The following PCDH15 variants were observed in gnomAD, a reference collection of about 807,000 sequenced individuals.
PCDH15 encodes protocadherin related 15, also known as protocadherin-15.
PCDH15 carries 129 observed loss-of-function variants against 178.5 expected under a neutral mutation model. The observed-to-expected ratio is 0.72, with a 90% CI of 0.63 to 0.84. PCDH15 has a LOEUF of 0.84. PCDH15 is among the 40% of genes least tolerant of loss of function. The pLI is 0.00. For missense variants in PCDH15, 2,230 were observed against 2,099.9 expected (o/e 1.06, Z -1.21); for synonymous variants, 800 against 732.0 (o/e 1.09, Z -1.50).
chr10:54,369,424 A>T, intron 4 of PCDH15, 149 bp from the exon 5 acceptor site: 1 of 770,760 alleles, frequency 1.3e-6, no homozygotes, highest in Non-Finnish European at 2.1e-6. Context: ...TTTTAAGGAC[A>T]AGAGAAGACA....
intron 2 of PCDH15, among the ~76,000 whole-genome samples, chr10:55,116,194 C>T (rs955477667): frequency 7.2e-5 from 11 of 152,008 alleles, no homozygotes; most frequent in African/African-American, 1.4e-4. Flanking sequence ...GTGAATAAGA[C>T]GTGCAGGTAA....
rs557424343 is a variant in PCDH15 at position 55,257,606 on chromosome 10, T to G, written c.-156+61993A>C. ...AGCCTCAGTAGCTGATTCAATCAAC[T>G]GGAAGAAAAGGTATCAGTGATGGAA... On this transcript the variant is annotated intron_variant, in intron 1 of 5. Transcript: ENST00000458638. Among the ~76,000 whole-genome samples, 5 of 152,086 alleles carry G rather than the reference T, an allele frequency of 3.3e-5. No individual in the cohort carries two copies. The East Asian group carries it at 9.7e-4, about 29-fold the overall frequency.
intron 2 of PCDH15, among the ~76,000 whole-genome samples, chr10:55,413,884 T>C (rs1030517421): frequency 3.3e-5 from 5 of 151,046 alleles, no homozygotes; most frequent in Non-Finnish European, 1.5e-5. Context: ...CTATCCCACT[T>C]TGAAGTTAGC....
intron 3 of PCDH15, among the ~76,000 whole-genome samples, chr10:54,866,995 C>T (rs1953954544): frequency 6.6e-6 from 1 of 152,076 alleles, no homozygotes; most frequent in African/African-American, 2.4e-5. Flanking sequence ...AAAATAAACA[C>T]TTATTTAAGT....
chr10:55,230,806 A>G (rs938858955), intron 1 of PCDH15, among the ~76,000 whole-genome samples: 3 of 152,058 alleles, frequency 2.0e-5, no homozygotes, highest in African/African-American at 7.2e-5. Context: ...TATGGAAACC[A>G]GAAAAAGTGA....
At chr10:55,424,009 C>T (rs1232626697) in intron 2 of PCDH15, among the ~76,000 whole-genome samples, 1 of 152,036 alleles carries the variant, frequency 6.6e-6, no homozygotes, top group Admixed American at 6.6e-5. Flanking sequence ...GAGGAAGACA[C>T]ACACAAGCAG....
At chr10:54,501,489 C>T (rs2080684691) in intron 3 of PCDH15, among the ~76,000 whole-genome samples, 1 of 152,098 alleles carries the variant, frequency 6.6e-6, no homozygotes, top group Admixed American at 6.6e-5. Flanking sequence ...TTGATTTCCA[C>T]AGTGTTAAAC....
chr10:55,495,482 T>C (rs370447741), intron 2 of PCDH15, among the ~76,000 whole-genome samples: 4 of 151,560 alleles, frequency 2.6e-5, no homozygotes, highest in East Asian at 2.0e-4. Flanking sequence ...AAAGACCATA[T>C]ACAATGGCCA....
At chr10:53,824,010 A>T (rs952322676) in intron 32 of PCDH15, among the ~76,000 whole-genome samples, 1 of 152,114 alleles carries the variant, frequency 6.6e-6, no homozygotes, top group African/African-American at 2.4e-5. Context: ...AAAACCTTAT[A>T]CATAATACCA....
At chr10:55,567,607 C>T (rs888046679) in intron 2 of PCDH15, among the ~76,000 whole-genome samples, 1 of 151,578 alleles carries the variant, frequency 6.6e-6, no homozygotes, top group Non-Finnish European at 1.5e-5. Flanking sequence ...AAACAAGCAA[C>T]CTGATTCAAA....
In PCDH15 at chr10:54,182,506, AGTGT is replaced by A. The variant is rs71007813; in HGVS notation, c.1590+934_1590+937del. ...ATGAGAGAGGAAAAGAGAGAAAAAAAGTGTGTGTGTGTGTGTGTGTGTGTGTGTG... is the reference window on the plus strand; with the variant it reads ...ATGAGAGAGGAAAAGAGAGAAAAAAAGTGTGTGTGTGTGTGTGTGTGTGTG... On this transcript the variant is annotated intron_variant, in intron 13 of 37. Transcript: ENST00000644397. 8.6e-3 allele frequency among the ~76,000 whole-genome samples: 1,274 copies of A among 147,996 alleles called. 8 individuals carry two copies. Among genetic ancestry groups the A allele is most frequent in the South Asian group, 0.012 (53 of 4,570 alleles).
In PCDH15 at chr10:54,195,423, G is replaced by A. The variant is rs541149733; in HGVS notation, c.1305+260C>T. Among the ~76,000 whole-genome samples the A allele has an allele frequency of 2.2e-4, 33 of 151,910 alleles. 1 individual carries two copies. The South Asian group carries it at 5.8e-3, about 27-fold the overall frequency. On this transcript the variant is annotated intron_variant, in intron 11 of 37. Coordinates refer to ENST00000644397, the MANE Select transcript of PCDH15 (RefSeq NM_001384140.1). Reference sequence around the variant, plus strand: ...ATATGTTAATAAAAATATTGCCCTCGTCATTAAATAAACATCAAGTAAAAC... The same window carrying A: ...ATATGTTAATAAAAATATTGCCCTCATCATTAAATAAACATCAAGTAAAAC...
intron 8 of PCDH15, among the ~76,000 whole-genome samples, chr10:54,261,235 A>G (rs1180366823): frequency 6.6e-6 from 1 of 152,172 alleles, no homozygotes; most frequent in African/African-American, 2.4e-5. Flanking sequence ...AATAGCTATT[A>G]AAAATATACA....
intron 17 of PCDH15, among the ~76,000 whole-genome samples, chr10:54,071,128 C>T (rs1330265321): frequency 6.6e-6 from 1 of 152,090 alleles, no homozygotes; most frequent in Non-Finnish European, 1.5e-5. Context: ...CTCATACATG[C>T]AATTTATTAG....
chr10:55,623,225 C>A (rs567419017), intron 2 of PCDH15, among the ~76,000 whole-genome samples: 67 of 152,276 alleles, frequency 4.4e-4, no homozygotes, highest in Admixed American at 1.6e-3. Context: ...CTCCCAGACA[C>A]AGGATATCAA....
At chr10:54,917,483 CA>C (rs1254282675) in intron 2 of PCDH15, among the ~76,000 whole-genome samples, 1 of 152,186 alleles carries the variant, frequency 6.6e-6, no homozygotes, top group Admixed American at 6.5e-5. Context: ...TATTCAAATA[CA>C]GTACATCATA....
chr10:55,240,678 G>A (rs1302708643), intron 1 of PCDH15, among the ~76,000 whole-genome samples: 2 of 152,110 alleles, frequency 1.3e-5, no homozygotes, highest in Non-Finnish European at 2.9e-5. Flanking sequence ...GTTTCTTACT[G>A]ATGTTTTTAT....
chr10:55,311,073 G>A (rs867482715), intron 1 of PCDH15, among the ~76,000 whole-genome samples: 1 of 152,210 alleles, frequency 6.6e-6, no homozygotes, highest in South Asian at 2.1e-4. Flanking sequence ...ATATAACATT[G>A]CAAAAGTATT....
At chr10:54,162,265 T>C (rs1462739942) in intron 13 of PCDH15, among the ~76,000 whole-genome samples, 1 of 152,204 alleles carries the variant, frequency 6.6e-6, no homozygotes, top group Non-Finnish European at 1.5e-5. Context: ...AACCACTGTA[T>C]GTTCCTCTGC....
Sources: gnomAD v4.1 joint callset for allele counts (sites outside exome capture counted in the v4.1 genomes callset) on GRCh38, gnomAD v4.1.1 for gene constraint, MANE v1.5 for transcripts, NCBI Gene and HGNC (gene_info 2026-07-23, HGNC 2026-07-21) for gene names.